The following KLRG1 variants were observed in gnomAD, a reference collection of about 807,000 sequenced individuals.
KLRG1 encodes killer cell lectin like receptor G1, also known as killer cell lectin-like receptor subfamily G member 1.
A neutral mutation model predicts 21.8 loss-of-function variants in KLRG1; 16 were observed. The observed-to-expected ratio is 0.73, with a 90% CI of 0.50 to 1.11. The LOEUF (loss-of-function observed/expected upper bound fraction) is 1.11. Ranked by LOEUF, KLRG1 falls within the 50% of genes most tolerant of loss-of-function variation. The pLI, the probability that KLRG1 is intolerant of heterozygous loss-of-function variation, is 0.00. For missense variants in KLRG1, 173 were observed against 218.3 expected, an observed-to-expected ratio of 0.79 and a Z score of 1.31; for synonymous variants, 69 against 75.9, an observed-to-expected ratio of 0.91 and a Z score of 0.47.
the KLRG1 span, among the ~76,000 whole-genome samples, chr12:9,075,560 G>A: frequency 1.3e-5 from 2 of 152,180 alleles, no homozygotes. Context: ...CTTGTATAGG[G>A]GTCTTCATCA....
the KLRG1 span, among the ~76,000 whole-genome samples, chr12:9,093,788 C>T: frequency 1.3e-5 from 2 of 149,314 alleles, no homozygotes; most frequent in African/African-American, 5.2e-5. Flanking sequence ...AGGCCGGGCG[C>T]GGTGGCTCAT....
chr12:9,063,702 A>G, the KLRG1 span, among the ~76,000 whole-genome samples: 2 of 152,194 alleles, frequency 1.3e-5, no homozygotes, highest in South Asian at 2.1e-4. Context: ...CCACTGGGGC[A>G]ATGAATAGCT....
chr12:9,186,844 C>T, the KLRG1 span, among the ~76,000 whole-genome samples: 1 of 120,142 alleles, frequency 8.3e-6, no homozygotes, highest in Non-Finnish European at 1.7e-5. Context: ...CACACTGGGG[C>T]CTGTCGGGGG....
the KLRG1 span, chr12:9,079,494 G>T: frequency 9.7e-7 from 1 of 1,029,140 alleles, no homozygotes; most frequent in Non-Finnish European, 1.4e-6. Context: ...GTTGGAGAGT[G>T]GATAGTTTCC....
At chr12:9,035,391 G>A in the KLRG1 span, among the ~76,000 whole-genome samples, 8 of 151,592 alleles carry the variant, frequency 5.3e-5, no homozygotes, top group Non-Finnish European at 1.0e-4. Context: ...AGTGGGAGTC[G>A]AACAATGAGA....
intron 1 of KLRG1, among the ~76,000 whole-genome samples, chr12:8,963,414 T>C (rs1946412390): frequency 6.6e-6 from 1 of 152,230 alleles, no homozygotes; most frequent in African/African-American, 2.4e-5. Flanking sequence ...AGCTTTTTGA[T>C]GTGCTGCTGG....
At chr12:9,003,827 A>G (rs1947379710) in intron 3 of KLRG1, among the ~76,000 whole-genome samples, 1 of 151,994 alleles carries the variant, frequency 6.6e-6, no homozygotes, top group South Asian at 2.1e-4. Context: ...AGCATTAGGT[A>G]TATCTCCTAA....
the KLRG1 span, among the ~76,000 whole-genome samples, chr12:9,178,251 A>G: frequency 6.6e-6 from 1 of 152,232 alleles, no homozygotes; most frequent in Non-Finnish European, 1.5e-5. Context: ...GAGCAGCATG[A>G]TGAAATCTCA....
the KLRG1 span, among the ~76,000 whole-genome samples, chr12:9,051,953 A>G: frequency 9.7e-3 from 1,478 of 152,286 alleles, 21 homozygotes; most frequent in African/African-American, 0.033. Flanking sequence ...TTCGTTTCCC[A>G]CCAAATACAG....
the KLRG1 span, among the ~76,000 whole-genome samples, chr12:9,078,092 C>T: frequency 6.6e-6 from 1 of 151,982 alleles, no homozygotes; most frequent in South Asian, 2.1e-4. Flanking sequence ...ATTTTAGTTC[C>T]GAGATACATG....
the KLRG1 span, among the ~76,000 whole-genome samples, chr12:9,212,033 T>G: frequency 2.6e-5 from 4 of 152,184 alleles, no homozygotes; most frequent in African/African-American, 9.7e-5. Flanking sequence ...TGGATGAATG[T>G]GGCTTCCTCT....
At chr12:9,016,975 G>C in the KLRG1 span, among the ~76,000 whole-genome samples, 1 of 151,994 alleles carries the variant, frequency 6.6e-6, no homozygotes, top group African/African-American at 2.4e-5. Flanking sequence ...TATGAGGCCA[G>C]TATTACCCTG....
At chr12:9,181,190 T>C in the KLRG1 span, 6 of 1,607,342 alleles carry the variant, frequency 3.7e-6, no homozygotes, top group Non-Finnish European at 5.1e-6. Flanking sequence ...GATCTTGCAG[T>C]CACCTGCATT....
chr12:9,068,304 C>T, the KLRG1 span: 3 of 1,443,160 alleles, frequency 2.1e-6, no homozygotes, highest in Non-Finnish European at 2.8e-6. Flanking sequence ...GGGATACAGG[C>T]CAAGGAAGGA....
chr12:9,049,942 T>C, the KLRG1 span, among the ~76,000 whole-genome samples: 1 of 152,206 alleles, frequency 6.6e-6, no homozygotes, highest in African/African-American at 2.4e-5. Flanking sequence ...TCTAACCTTA[T>C]CATAGTACTC....
At chr12:9,184,483 G>T in the KLRG1 span, among the ~76,000 whole-genome samples, 2 of 152,226 alleles carry the variant, frequency 1.3e-5, no homozygotes, top group Non-Finnish European at 2.9e-5. Flanking sequence ...GAGTCATACT[G>T]CCATGATCAT....
chr12:9,009,097 CA>C, intron 4 of KLRG1, 22 bp downstream of exon 4: 4 of 1,545,172 alleles, frequency 2.6e-6, no homozygotes, highest in Non-Finnish European at 3.5e-6. Flanking sequence ...CAAAGGAATG[CA>C]AAAAAAGAGA....
chr12:9,153,310 A>T, the KLRG1 span: 1 of 1,613,974 alleles, frequency 6.2e-7, no homozygotes, highest in South Asian at 1.1e-5. Context: ...GCTGCTCCAT[A>T]CCTGGACAGG....
the KLRG1 span, chr12:9,095,642 T>G: frequency 1.9e-6 from 3 of 1,612,748 alleles, no homozygotes. Flanking sequence ...TTCATTGTCC[T>G]GGTCATTCAA....
Sources: gnomAD v4.1 joint callset for allele counts (sites outside exome capture counted in the v4.1 genomes callset) on GRCh38, gnomAD v4.1.1 for gene constraint, MANE v1.5 for transcripts, NCBI Gene and HGNC (gene_info 2026-07-23, HGNC 2026-07-21) for gene names.